The following TMCC1 variants were observed in gnomAD, a reference collection of about 807,000 sequenced individuals.
The protein encoded by TMCC1 is transmembrane and coiled-coil domains protein 1.
TMCC1 carries 15 observed loss-of-function variants against 52.4 expected under a neutral mutation model. That is an observed-to-expected ratio of 0.29 (90% CI 0.19 to 0.44). The LOEUF (loss-of-function observed/expected upper bound fraction) is 0.44. TMCC1 is among the 20% of genes least tolerant of loss of function. TMCC1 has a pLI of 1.00. For synonymous variants in TMCC1, 279 were observed against 301.9 expected (o/e 0.92, Z 0.79); for missense variants, 503 against 806.0 (o/e 0.62, Z 4.55).
chr3:129,822,396 C>T (rs1458366193), intron 4 of TMCC1, among the ~76,000 whole-genome samples: 1 of 152,134 alleles, frequency 6.6e-6, no homozygotes, highest in Non-Finnish European at 1.5e-5. Context: ...GCCATGATTG[C>T]ACCACTGCAC....
chr3:129,704,868 A>G (rs1576511079), intron 4 of TMCC1, among the ~76,000 whole-genome samples: 3 of 152,310 alleles, frequency 2.0e-5, no homozygotes, highest in Non-Finnish European at 4.4e-5. Context: ...CACTGTCACA[A>G]GTTGGAGCCA....
intron 1 of TMCC1, among the ~76,000 whole-genome samples, chr3:129,883,442 A>G (rs1467336462): frequency 6.6e-6 from 1 of 152,136 alleles, no homozygotes; most frequent in Non-Finnish European, 1.5e-5. Context: ...GTGAGGCCCC[A>G]TTTCTACAAA....
intron 4 of TMCC1, among the ~76,000 whole-genome samples, chr3:129,731,065 C>T (rs1382736626): frequency 1.3e-5 from 2 of 152,166 alleles, no homozygotes; most frequent in Non-Finnish European, 2.9e-5. Context: ...AACAAGACAG[C>T]AGACCAATAG....
intron 4 of TMCC1, among the ~76,000 whole-genome samples, chr3:129,797,273 C>A (rs1274649566): frequency 6.6e-6 from 1 of 151,914 alleles, no homozygotes; most frequent in African/African-American, 2.4e-5. Context: ...TTGCAGTGAG[C>A]CGAGATCACG....
chr3:129,728,730 T>TA (rs2050304042), intron 4 of TMCC1, among the ~76,000 whole-genome samples: 1 of 152,202 alleles, frequency 6.6e-6, no homozygotes, highest in South Asian at 2.1e-4. Context: ...AAGACTTCCT[T>TA]ATATAGTCAC....
intron 4 of TMCC1, among the ~76,000 whole-genome samples, chr3:129,782,297 G>C (rs1033980123): frequency 6.6e-6 from 1 of 152,120 alleles, no homozygotes; most frequent in Non-Finnish European, 1.5e-5. Context: ...TAATTCAAAG[G>C]ACAGGATGAT....
chr3:129,759,526 C>T (rs2053313531), intron 4 of TMCC1, among the ~76,000 whole-genome samples: 1 of 151,090 alleles, frequency 6.6e-6, no homozygotes, highest in Non-Finnish European at 1.5e-5. Context: ...CCTGAGCCTC[C>T]CCAAGTACTA....
At chr3:129,693,862 T>C (rs1016795279) in intron 4 of TMCC1, among the ~76,000 whole-genome samples, 2 of 152,224 alleles carry the variant, frequency 1.3e-5, no homozygotes, top group African/African-American at 4.8e-5. Context: ...TTGCATAGGA[T>C]CAATACCAAT....
At chr3:129,770,425 A>C (rs2054467267) in intron 4 of TMCC1, among the ~76,000 whole-genome samples, 1 of 152,094 alleles carries the variant, frequency 6.6e-6, no homozygotes, top group Non-Finnish European at 1.5e-5. Flanking sequence ...CTGAGATAGG[A>C]AGATTGCTTG....
chr3:129,782,290 T>C (rs527272939), intron 4 of TMCC1, among the ~76,000 whole-genome samples: 99 of 152,124 alleles, frequency 6.5e-4, no homozygotes, highest in Non-Finnish European at 1.4e-3. Flanking sequence ...GCAATATTAA[T>C]TCAAAGGACA....
chr3:129,892,099 C>G (rs1216275075), intron 1 of TMCC1, among the ~76,000 whole-genome samples: 2 of 152,212 alleles, frequency 1.3e-5, no homozygotes, highest in African/African-American at 4.8e-5. Context: ...CAGTACACAG[C>G]ACCTACACCA....
rs2086166789 is a variant in TMCC1 at position 129,648,773 on chromosome 3, A to G, written c.*2708T>C. On this transcript the variant is annotated 3_prime_UTR_variant, in exon 7 of 7. Coordinates refer to ENST00000393238, the MANE Select transcript of TMCC1 (RefSeq NM_001017395.5). ...AGCCATTAGAGCGAGGTTATAGAAGAGCTCTGACAAGACAAAAGAACCCAA... is the reference window on the plus strand; with the variant it reads ...AGCCATTAGAGCGAGGTTATAGAAGGGCTCTGACAAGACAAAAGAACCCAA... 6.6e-6 allele frequency: 1 copy of G among 152,110 alleles called. No individual in the cohort carries two copies. Among genetic ancestry groups the G allele is most frequent in the Admixed American group, 6.6e-5 (1 of 15,264 alleles). 9.4% of individuals were successfully genotyped at this position (152,110 alleles called of 1,614,324 possible).
chr3:129,797,381 C>T (rs1225595646), intron 4 of TMCC1, among the ~76,000 whole-genome samples: 1 of 151,012 alleles, frequency 6.6e-6, no homozygotes, highest in African/African-American at 2.4e-5. Flanking sequence ...AGAGAAGATG[C>T]ATCAAATTCA....
At chr3:129,878,109 C>T (rs2107985683) in intron 2 of TMCC1, among the ~76,000 whole-genome samples, 1 of 152,068 alleles carries the variant, frequency 6.6e-6, no homozygotes, top group Non-Finnish European at 1.5e-5. Context: ...CGGGCGCCTA[C>T]CACCATGCCT....
At chr3:129,769,181 G>T (rs897010418) in intron 4 of TMCC1, among the ~76,000 whole-genome samples, 5 of 152,238 alleles carry the variant, frequency 3.3e-5, no homozygotes, top group Non-Finnish European at 4.4e-5. Flanking sequence ...GGCCCAGGAT[G>T]GCTTTGAATG....
intron 5 of TMCC1, among the ~76,000 whole-genome samples, chr3:129,665,856 T>C (rs1020660037): frequency 7.2e-5 from 11 of 152,182 alleles, no homozygotes; most frequent in Admixed American, 5.9e-4. Flanking sequence ...AATTTACCTG[T>C]AGGGCCTACT....
At chr3:129,799,550 C>T (rs932701647) in intron 4 of TMCC1, among the ~76,000 whole-genome samples, 10 of 152,160 alleles carry the variant, frequency 6.6e-5, no homozygotes, top group African/African-American at 2.4e-4. Context: ...GTGGCTCACG[C>T]TTGTAGTCCC....
chr3:129,893,608 CCT>C lies in TMCC1; in HGVS notation c.-551_-550del, dbSNP rs1420525491. On this transcript the variant is annotated 5_prime_UTR_variant, in exon 1 of 7. Transcript: ENST00000393238. Reference sequence around the variant, plus strand: ...GGTCCATCCCCCACAACCACCCCCCCCTCCCGACCCTCCCCCCGCGCCGCCTC... The same window carrying C: ...GGTCCATCCCCCACAACCACCCCCCCCCCGACCCTCCCCCCGCGCCGCCTC... 3.2e-3 allele frequency: 482 copies of C among 152,216 alleles called. 1 individual carries two copies. Among genetic ancestry groups the C allele is most frequent in the African/African-American group, 0.011 (452 of 41,332 alleles). The allele number at this position is 152,216 out of a possible 1,614,324, so 9.4% of individuals were successfully genotyped here.
At chr3:129,843,207 C>A (rs185852952) in intron 2 of TMCC1, among the ~76,000 whole-genome samples, 2 of 151,904 alleles carry the variant, frequency 1.3e-5, no homozygotes, top group East Asian at 1.9e-4. Context: ...ATTAGCCGGG[C>A]GTGGTGGCAG....
Sources: allele counts gnomAD v4.1 joint callset (sites outside exome capture counted in the v4.1 genomes callset), GRCh38; gene constraint gnomAD v4.1.1; transcripts MANE v1.5; gene names NCBI Gene and HGNC (gene_info 2026-07-23, HGNC 2026-07-21).